The following MAP3K15 variants were observed in gnomAD, a reference collection of about 807,000 sequenced individuals.
The protein encoded by MAP3K15 is MAPK/ERK kinase kinase 15.
A neutral mutation model predicts 99.5 loss-of-function variants in MAP3K15; 124 were observed. The observed-to-expected ratio is 1.25, with a 90% confidence interval of 1.08 to 1.45. MAP3K15 has a LOEUF of 1.45. MAP3K15 is among the 40% of genes most tolerant of loss of function. The pLI is 0.00. For synonymous variants in MAP3K15, 494 were observed against 439.6 expected (o/e 1.12, Z -1.55); for missense variants, 1,242 against 1,079.7 (o/e 1.15, Z -2.11).
chrX:19,426,143 T>G, intron 8 of MAP3K15, 88 bp downstream of exon 8: 1 of 467,127 alleles, frequency 2.1e-6, no homozygotes, highest in Non-Finnish European at 3.4e-6. Flanking sequence ...AGAAATATAA[T>G]GATATAATGC....
chrX:19,398,063 C>CAAAA (rs147279112), intron 15 of MAP3K15, among the ~76,000 whole-genome samples, 163 bp downstream of exon 15: 1 of 50,245 alleles, frequency 2.0e-5, no homozygotes, highest in Non-Finnish European at 4.3e-5. Flanking sequence ...GACTCCGTTT[C>CAAAA]AAAAAAAAAA....
chrX:19,392,552 T>A, intron 16 of MAP3K15, 79 bp from the exon 17 acceptor site: 14 of 970,005 alleles, frequency 1.4e-5, no homozygotes, highest in Non-Finnish European at 1.9e-5. Context: ...TGAGGTGAGG[T>A]TTCTAACCTA....
In MAP3K15 at chrX:19,360,964, C is replaced by G; in HGVS notation, c.3858-131G>C. The G allele has an allele frequency of 6.3e-6, 3 of 476,031 alleles. No individual in the cohort carries two copies. In the South Asian group the frequency reaches 1.1e-4, roughly 17 times the overall value. 39.2% of individuals were successfully genotyped at this position (476,031 alleles called of 1,213,427 possible). A position where few individuals can be genotyped will look rare whatever the true frequency, so the allele number is the denominator to read the frequency against. ...CACATATGGAGGTGACGCTCGTGTC[C>G]CAGCAGTAGTAGGACATGGCCTTAG... On this transcript the variant is annotated intron_variant, in intron 28 of 28. Coordinates refer to ENST00000338883, the MANE Select transcript of MAP3K15 (RefSeq NM_001001671.4).
rs1308033219 is a variant in MAP3K15 at position 19,360,602 on chromosome X, A to G, written c.*147T>C. 2.2e-6 allele frequency: 1 copy of G among 457,258 alleles called. No individual in the cohort carries two copies. Among genetic ancestry groups the G allele is most frequent in the South Asian group, 3.3e-5 (1 of 30,463 alleles). 37.7% of individuals were successfully genotyped at this position (457,258 alleles called of 1,213,427 possible). A position where few individuals can be genotyped will look rare whatever the true frequency, so the allele number is the denominator to read the frequency against. On this transcript the variant is annotated 3_prime_UTR_variant, in exon 29 of 29. Transcript: ENST00000338883. Reference sequence around the variant, plus strand: ...ACAGGTTTCAAAAGAAACTCAGGACAGTATTTAAAACAAGTTCTTAAACTA... The same window carrying G: ...ACAGGTTTCAAAAGAAACTCAGGACGGTATTTAAAACAAGTTCTTAAACTA...
At chrX:19,445,420 G>A (rs771166894) in intron 6 of MAP3K15, among the ~76,000 whole-genome samples, 1 of 106,968 alleles carries the variant, frequency 9.3e-6, no homozygotes, top group African/African-American at 3.4e-5. Flanking sequence ...GTGAAACCTC[G>A]TCACTACTAA....
chrX:19,362,857 T>TAAAAAAAAAAAATAAAAAAAAAAAAAAAA lies in MAP3K15; in HGVS notation c.3567-8_3567-7insTTTTTTTTTTTTTTTTATTTTTTTTTTTT. 1 of 786,996 alleles carries TAAAAAAAAAAAATAAAAAAAAAAAAAAAA rather than the reference T, an allele frequency of 1.3e-6. No individual in the cohort carries two copies. Among genetic ancestry groups the TAAAAAAAAAAAATAAAAAAAAAAAAAAAA allele is most frequent in the Non-Finnish European group, 1.8e-6 (1 of 551,983 alleles). 64.9% of individuals were successfully genotyped at this position (786,996 alleles called of 1,213,427 possible). A position where few individuals can be genotyped will look rare whatever the true frequency, so the allele number is the denominator to read the frequency against. ...AACTAGGTGTTCCAAAAGTCTGGTT[T>TAAAAAAAAAAAATAAAAAAAAAAAAAAAA]AAAAAAAAAAAAAAAAAGCCATTAT... On this transcript the variant is annotated splice_region_variant and splice_polypyrimidine_tract_variant and intron_variant, in intron 25 of 28. Coordinates refer to ENST00000338883, the MANE Select transcript of MAP3K15 (RefSeq NM_001001671.4).
In MAP3K15 at chrX:19,464,229, T is replaced by C. The variant is rs1352866058; in HGVS notation, c.703A>G (p.Ile235Val). Residue 235 changes from isoleucine (I) to valine (V), a missense_variant, in exon 4 of 29, where the codon ATC becomes GTC. By Grantham distance (29) the Ile-to-Val change is conservative. Coordinates refer to ENST00000338883, the MANE Select transcript of MAP3K15 (RefSeq NM_001001671.4). ...VDRFISLLKD[I>V]HVTSCVYYKE... The stretch of plus-strand genomic sequence containing the variant: ...GGGAATTACCATGAGGTCACGTGGA[T>C]GTCCTTAAGGAGGCTAATGAACCTG... The C allele has an allele frequency of 8.4e-7, 1 of 1,194,936 alleles. No homozygotes were observed. The highest frequency in any genetic ancestry group is 1.1e-6 in the Non-Finnish European group (1 of 892,649).
At chrX:19,383,038 G>A (rs774822218) in intron 18 of MAP3K15, among the ~76,000 whole-genome samples, 143 of 111,117 alleles carry the variant, frequency 1.3e-3, no homozygotes, top group African/African-American at 4.3e-3. Context: ...ACCCTCAGTC[G>A]GCCCCAGTCT....
intron 3 of MAP3K15, among the ~76,000 whole-genome samples, chrX:19,479,254 T>C (rs753644619): frequency 4.5e-5 from 5 of 111,531 alleles, no homozygotes; most frequent in Non-Finnish European, 9.4e-5. Flanking sequence ...CTGAACTGTG[T>C]CAGTTCCAGA....
chrX:19,429,810 GAGAGAGAGAGA>G (rs1569222612), intron 7 of MAP3K15, among the ~76,000 whole-genome samples: 17 of 89,471 alleles, frequency 1.9e-4, no homozygotes, highest in African/African-American at 1.0e-3. Context: ...GAGAGAGAGA[GAGAGAGAGAGA>G]GGAAGCAGTT....
At chrX:19,469,251 C>A (rs1170458088) in intron 3 of MAP3K15, among the ~76,000 whole-genome samples, 7 of 110,916 alleles carry the variant, frequency 6.3e-5, no homozygotes, top group African/African-American at 2.0e-4. Context: ...TGCCGCATAG[C>A]TACAACTATC....
intron 6 of MAP3K15, among the ~76,000 whole-genome samples, chrX:19,456,555 T>A (rs1053656377): frequency 7.8e-4 from 87 of 112,234 alleles, no homozygotes; most frequent in African/African-American, 2.7e-3. Context: ...TGTTTCCATG[T>A]GTATAGCCAA....
chrX:19,502,763 G>C (rs776848586), intron 1 of MAP3K15, among the ~76,000 whole-genome samples: 1 of 111,845 alleles, frequency 8.9e-6, no homozygotes, highest in Non-Finnish European at 1.9e-5. Context: ...TGGAGGTTGC[G>C]GCGAGCCAAG....
At chrX:19,480,854 C>T (rs1482833754) in intron 3 of MAP3K15, among the ~76,000 whole-genome samples, 40 of 105,909 alleles carry the variant, frequency 3.8e-4, no homozygotes, top group Non-Finnish European at 7.2e-4. Context: ...GTGGCTCATG[C>T]CTGTAATCCC....
chrX:19,481,288 CTTTTT>C (rs1405894901), intron 3 of MAP3K15, among the ~76,000 whole-genome samples: 1 of 102,957 alleles, frequency 9.7e-6, no homozygotes, highest in African/African-American at 3.6e-5. Flanking sequence ...TTTTTTTTTT[CTTTTT>C]TTTAAGAAAC....
intron 25 of MAP3K15, among the ~76,000 whole-genome samples, chrX:19,368,330 T>C (rs1257066444): frequency 1.8e-5 from 2 of 111,276 alleles, no homozygotes; most frequent in Non-Finnish European, 3.8e-5. Flanking sequence ...TTAGAAGAGA[T>C]GGGGTTTCAC....
At chrX:19,400,434 T>G in intron 14 of MAP3K15, 142 bp downstream of exon 14, 2 of 400,222 alleles carry the variant, frequency 5.0e-6, no homozygotes, top group Non-Finnish European at 8.7e-6. Context: ...CATTCAACAT[T>G]ATCTCTGGGA....
intron 5 of MAP3K15, among the ~76,000 whole-genome samples, chrX:19,459,347 G>A (rs2064115252): frequency 1.8e-5 from 2 of 111,753 alleles, no homozygotes; most frequent in Admixed American, 9.5e-5. Flanking sequence ...ATGAATTCAG[G>A]TTTGTCAAAG....
intron 18 of MAP3K15, among the ~76,000 whole-genome samples, chrX:19,387,511 C>T (rs892085207): frequency 8.1e-5 from 9 of 111,113 alleles, no homozygotes; most frequent in East Asian, 2.8e-4. Context: ...CTCAGCCTCC[C>T]GAGTAGCTGA....
Sources: gnomAD v4.1 joint callset for allele counts (sites outside exome capture counted in the v4.1 genomes callset) on GRCh38, gnomAD v4.1.1 for gene constraint, MANE v1.5 for transcripts, NCBI Gene and HGNC (gene_info 2026-07-23, HGNC 2026-07-21) for gene names.